NR1H4: variants seen among roughly 807,000 people sequenced by gnomAD.
NR1H4 encodes nuclear receptor subfamily 1 group H member 4.
A neutral mutation model predicts 58.5 loss-of-function variants in NR1H4; 23 were observed. The ratio of observed to expected loss-of-function variants is 0.39; its 90% confidence interval spans 0.28 to 0.56. The LOEUF (loss-of-function observed/expected upper bound fraction) is 0.56, where lower values mean the gene tolerates loss of function less well. Among genes scored for constraint, NR1H4 ranks in the 20% least tolerant of loss-of-function variants. The pLI is 0.58. For missense variants in NR1H4, 487 were observed against 576.9 expected (o/e 0.84, Z 1.60); for synonymous variants, 214 against 198.0 (o/e 1.08, Z -0.68).
chr12:100,529,391 G>A (rs571386828), intron 4 of NR1H4, among the ~76,000 whole-genome samples: 26 of 152,084 alleles, frequency 1.7e-4, no homozygotes, highest in African/African-American at 5.5e-4. Flanking sequence ...ACCTTGCTCC[G>A]AGGAGCTTCC....
At chr12:100,479,487 T>C (rs937498269) in intron 1 of NR1H4, among the ~76,000 whole-genome samples, 12 of 152,318 alleles carry the variant, frequency 7.9e-5, no homozygotes, top group African/African-American at 2.4e-4. Flanking sequence ...AGCTACAGCA[T>C]AGACAACTAT....
rs1954701245 is a variant in NR1H4 at position 100,531,830 on chromosome 12, C to T, written c.446-628C>T. On this transcript the variant is annotated intron_variant, in intron 4 of 10. Transcript: ENST00000392986. ...TCGGGGGAGATGGTTGCTTTTAGCTCAAGGTTGGCATTTTTATTATTATGC... is the reference window on the plus strand; with the variant it reads ...TCGGGGGAGATGGTTGCTTTTAGCTTAAGGTTGGCATTTTTATTATTATGC... Among the ~76,000 whole-genome samples the T allele has an allele frequency of 2.0e-5, 3 of 151,974 alleles. No individual in the cohort carries two copies. In the South Asian group the frequency reaches 6.2e-4, roughly 32 times the overall value.
At chr12:100,513,777 A>G (rs1351075141) in intron 4 of NR1H4, among the ~76,000 whole-genome samples, 1 of 150,426 alleles carries the variant, frequency 6.6e-6, no homozygotes, top group African/African-American at 2.5e-5. Flanking sequence ...CCTGGATGAC[A>G]GAGCGAGACT....
At chr12:100,545,656 A>AAAAAAAAAAC (rs1565777366) in intron 9 of NR1H4, among the ~76,000 whole-genome samples, 21 of 147,106 alleles carry the variant, frequency 1.4e-4, no homozygotes, top group African/African-American at 5.4e-4. Context: ...AAAAAAAAAA[A>AAAAAAAAAAC]AAAAAAAAAA....
In NR1H4 at chr12:100,475,179, A is replaced by T. The variant is rs1038659391; in HGVS notation, c.-190+1120A>T. 7.0e-5 allele frequency among the ~76,000 whole-genome samples: 10 copies of T among 142,044 alleles called. No individual in the cohort carries two copies. The East Asian group carries it at 1.0e-3, about 15-fold the overall frequency. The allele number at this position is 142,044 out of a possible 152,430, so 93.2% of individuals were successfully genotyped here. A position where few individuals can be genotyped will look rare whatever the true frequency, so the allele number is the denominator to read the frequency against. On this transcript the variant is annotated intron_variant, in intron 1 of 10. Coordinates refer to ENST00000392986, the MANE Select transcript of NR1H4 (RefSeq NM_001206979.2). Reference sequence around the variant, plus strand: ...TATCTAAATTTTTTTTTCTGTTCCTAAAAAAAGGAAGGGAGAAGAGAGGAA... The same window carrying T: ...TATCTAAATTTTTTTTTCTGTTCCTTAAAAAAGGAAGGGAGAAGAGAGGAA...
At chr12:100,483,513 C>T (rs1953425059) in intron 1 of NR1H4, among the ~76,000 whole-genome samples, 1 of 152,128 alleles carries the variant, frequency 6.6e-6, no homozygotes, top group South Asian at 2.1e-4. Context: ...CGCAGCCATC[C>T]TTGTTGGCCA....
intron 4 of NR1H4, among the ~76,000 whole-genome samples, chr12:100,531,537 C>G (rs781647188): frequency 1.3e-5 from 2 of 152,222 alleles, no homozygotes; most frequent in African/African-American, 4.8e-5. Context: ...GAGAAAGAGA[C>G]AACTTTGAAA....
intron 3 of NR1H4, among the ~76,000 whole-genome samples, chr12:100,497,970 G>A (rs1953751769): frequency 6.6e-6 from 1 of 152,266 alleles, no homozygotes; most frequent in Middle Eastern, 3.4e-3. Flanking sequence ...CACACCCAAT[G>A]TTCCTGGGCA....
intron 9 of NR1H4, among the ~76,000 whole-genome samples, chr12:100,560,227 A>C (rs35727): frequency 0.51 from 77,845 of 152,038 alleles, 20,882 homozygotes; most frequent in Non-Finnish European, 0.62. Context: ...GGGCTCTACC[A>C]ATCAGCAGGA....
chr12:100,495,581 A>C (rs1416567874), intron 3 of NR1H4, among the ~76,000 whole-genome samples: 2 of 152,036 alleles, frequency 1.3e-5, no homozygotes, highest in African/African-American at 4.8e-5. Context: ...AAATACAAAA[A>C]TTAGCTTGGT....
At position 100,494,037 on chromosome 12, in the gene NR1H4, T is replaced by C. The variant is rs538237112; in HGVS notation, c.79+635T>C. Among the ~76,000 whole-genome samples the C allele has an allele frequency of 2.0e-3, 304 of 152,296 alleles. 2 individuals carry two copies. The highest frequency in any genetic ancestry group is 7.0e-3 in the African/African-American group (292 of 41,566). On this transcript the variant is annotated intron_variant, in intron 3 of 10. Coordinates refer to ENST00000392986, the MANE Select transcript of NR1H4 (RefSeq NM_001206979.2). ...GATTTAACCAAGGCAATATTTTGGGTGGGACAGGGAGCCTTTCTGCCAGTG... is the reference window on the plus strand; with the variant it reads ...GATTTAACCAAGGCAATATTTTGGGCGGGACAGGGAGCCTTTCTGCCAGTG...
intron 4 of NR1H4, among the ~76,000 whole-genome samples, chr12:100,530,019 C>T (rs922448713): frequency 1.3e-5 from 2 of 152,168 alleles, no homozygotes; most frequent in Non-Finnish European, 2.9e-5. Context: ...TTAGCTATCT[C>T]ATCACTCATA....
chr12:100,537,860 C>G (rs1330335412), intron 8 of NR1H4, among the ~76,000 whole-genome samples: 1 of 152,116 alleles, frequency 6.6e-6, no homozygotes. Context: ...ACTACAGGCA[C>G]ACACCACCAT....
chr12:100,507,396 C>A (rs533023832), intron 3 of NR1H4, among the ~76,000 whole-genome samples: 1 of 152,110 alleles, frequency 6.6e-6, no homozygotes, highest in Admixed American at 6.6e-5. Flanking sequence ...GACAAGGCAC[C>A]ATTTCTAAAA....
At chr12:100,488,462 A>G (rs1406092459) in intron 1 of NR1H4, among the ~76,000 whole-genome samples, 1 of 152,264 alleles carries the variant, frequency 6.6e-6, no homozygotes, top group Non-Finnish European at 1.5e-5. Flanking sequence ...AGCTAGTCAT[A>G]AAGTAAATCC....
At chr12:100,539,028 G>T (rs771932793) in intron 8 of NR1H4, among the ~76,000 whole-genome samples, 28 of 152,090 alleles carry the variant, frequency 1.8e-4, no homozygotes, top group Non-Finnish European at 2.8e-4. Flanking sequence ...AAGTTCAAAT[G>T]GTCAGTTGGT....
intron 8 of NR1H4, 130 bp downstream of exon 8, chr12:100,537,177 A>G: frequency 9.2e-6 from 6 of 652,794 alleles, no homozygotes; most frequent in Non-Finnish European, 2.7e-6. Context: ...TATTTTCACT[A>G]TTACTTTGCC....
intron 9 of NR1H4, among the ~76,000 whole-genome samples, chr12:100,561,468 G>C (rs1955472875): frequency 1.3e-5 from 2 of 152,184 alleles, no homozygotes; most frequent in South Asian, 2.1e-4. Flanking sequence ...TATACTTCCA[G>C]ACTGAATAAC....
intron 3 of NR1H4, among the ~76,000 whole-genome samples, chr12:100,506,092 TGAAA>T (rs1435386899): frequency 1.3e-5 from 2 of 151,252 alleles, no homozygotes; most frequent in African/African-American, 2.4e-5. Flanking sequence ...TAATTTGTAA[TGAAA>T]GAACTATCCT....
Sources: gnomAD v4.1 joint callset for allele counts (sites outside exome capture counted in the v4.1 genomes callset) on GRCh38, gnomAD v4.1.1 for gene constraint, MANE v1.5 for transcripts, NCBI Gene and HGNC (gene_info 2026-07-23, HGNC 2026-07-21) for gene names.